XKR3: variants seen among roughly 807,000 people sequenced by gnomAD.
The protein encoded by XKR3 is XK-related protein 3.
XKR3 carries 27 observed loss-of-function variants against 40.3 expected under a neutral mutation model. The ratio of observed to expected loss-of-function variants is 0.67; its 90% CI spans 0.49 to 0.92. The LOEUF is 0.92. XKR3 is among the 40% of genes least tolerant of loss of function. The pLI, the probability that XKR3 is intolerant of heterozygous loss-of-function variation, is 0.00. For missense variants in XKR3, 472 were observed against 537.6 expected, an observed-to-expected ratio of 0.88 and a Z score of 1.21; for synonymous variants, 193 against 195.4, an observed-to-expected ratio of 0.99 and a Z score of 0.10.
At chr22:16,791,740 GGA>G (rs148780863) in intron 3 of XKR3, among the ~76,000 whole-genome samples, 1 of 128,830 alleles carries the variant, frequency 7.8e-6, no homozygotes, top group East Asian at 2.4e-4. Context: ...GGAGAAAGAG[GGA>G]GAGAGAGGGA....
Position 16,785,429 on chromosome 22 carries a change from G to A in XKR3, c.590-1020C>T, listed in dbSNP as rs1368187440. 1.3e-3 allele frequency among the ~76,000 whole-genome samples: 194 copies of A among 152,228 alleles called. 1 individual carries two copies. Among genetic ancestry groups the A allele is most frequent in the African/African-American group, 4.6e-3 (190 of 41,522 alleles). On this transcript the variant is annotated intron_variant, in intron 3 of 3. Coordinates refer to ENST00000684488, the MANE Select transcript of XKR3 (RefSeq NM_001386955.1). The stretch of plus-strand genomic sequence containing the variant: ...GCAAAATTATTTTAATTTCAACATT[G>A]TTCTCTCAACAATTAGACAAATAAG...
chr22:16,816,237 G>T (rs751728038), intron 1 of XKR3, among the ~76,000 whole-genome samples: 2 of 151,480 alleles, frequency 1.3e-5, no homozygotes, highest in African/African-American at 4.8e-5. Flanking sequence ...TGCCTTTGCC[G>T]CCTCTCTTTC....
intron 1 of XKR3, among the ~76,000 whole-genome samples, chr22:16,815,301 C>T (rs1569043600): frequency 6.6e-6 from 1 of 152,040 alleles, no homozygotes; most frequent in African/African-American, 2.4e-5. Context: ...ATAAATCCTA[C>T]TTGGTTATGA....
intron 2 of XKR3, among the ~76,000 whole-genome samples, chr22:16,803,637 A>C (rs1424237783): frequency 6.6e-6 from 1 of 152,238 alleles, no homozygotes; most frequent in Non-Finnish European, 1.5e-5. Context: ...CAAAGGAGCC[A>C]GTCAAAATGC....
At chr22:16,788,719 T>A (rs2060101877) in intron 3 of XKR3, among the ~76,000 whole-genome samples, 1 of 152,078 alleles carries the variant, frequency 6.6e-6, no homozygotes. Context: ...TATACCTGAT[T>A]AACATAATGT....
intron 2 of XKR3, among the ~76,000 whole-genome samples, chr22:16,806,469 G>GTTTTTT (rs35013347): frequency 7.7e-6 from 1 of 129,374 alleles, no homozygotes; most frequent in African/African-American, 2.9e-5. Flanking sequence ...TATAGTTAAG[G>GTTTTTT]TTTTTTTTTT....
At chr22:16,812,503 C>T (rs5746903) in intron 1 of XKR3, among the ~76,000 whole-genome samples, 16,047 of 151,972 alleles carry the variant, frequency 0.11, 1,171 homozygotes, top group African/African-American at 0.2. Context: ...GGTGAAACCC[C>T]GTCTGTACTA....
chr22:16,797,541 C>G (rs1184121546), intron 3 of XKR3, among the ~76,000 whole-genome samples: 2 of 152,148 alleles, frequency 1.3e-5, no homozygotes, highest in East Asian at 1.9e-4. Flanking sequence ...GCCTGTAATC[C>G]CAGCACTTTG....
chr22:16,817,563 A>G (rs1406760667), intron 1 of XKR3, among the ~76,000 whole-genome samples: 1 of 152,042 alleles, frequency 6.6e-6, no homozygotes, highest in African/African-American at 2.4e-5. Flanking sequence ...TCTAAACAAC[A>G]CTTTCTTTAA....
Position 16,804,087 on chromosome 22 carries a change from A to T in XKR3, c.335+3652T>A, listed in dbSNP as rs146597098. On this transcript the variant is annotated intron_variant, in intron 2 of 3. Transcript: ENST00000684488. The stretch of plus-strand genomic sequence containing the variant: ...ATCACAGGATCATCTCAACAGGCAG[A>T]AAAAATCATTTTGCAAAATCCAACA... Among the ~76,000 whole-genome samples, 865 of 152,274 alleles carry T rather than the reference A, an allele frequency of 5.7e-3. 8 individuals are homozygous for T. The highest frequency in any genetic ancestry group is 0.019 in the African/African-American group (773 of 41,558).
At chr22:16,822,211 G>A (rs1021565312) in intron 1 of XKR3, among the ~76,000 whole-genome samples, 1 of 152,000 alleles carries the variant, frequency 6.6e-6, no homozygotes, top group Non-Finnish European at 1.5e-5. Context: ...TAGCACAGAG[G>A]CTGAGAGGGG....
At chr22:16,787,624 TAAC>T (rs1309091905) in intron 3 of XKR3, among the ~76,000 whole-genome samples, 4 of 147,930 alleles carry the variant, frequency 2.7e-5, no homozygotes, top group Non-Finnish European at 6.0e-5. Context: ...TTTAGAGAAA[TAAC>T]AACAAAAAAT....
chr22:16,809,258 T>G (rs1002128674), intron 1 of XKR3, among the ~76,000 whole-genome samples: 1 of 152,222 alleles, frequency 6.6e-6, no homozygotes, highest in African/African-American at 2.4e-5. Context: ...ACTTATTTAT[T>G]CAAAGACAAA....
At chr22:16,798,666 C>A (rs145546408) in intron 3 of XKR3, among the ~76,000 whole-genome samples, 53 of 152,282 alleles carry the variant, frequency 3.5e-4, no homozygotes, top group African/African-American at 1.2e-3. Flanking sequence ...ATGTGGAATA[C>A]TGTGCTGTCA....
At chr22:16,801,015 C>CA (rs931750833) in intron 2 of XKR3, among the ~76,000 whole-genome samples, 21 of 151,664 alleles carry the variant, frequency 1.4e-4, no homozygotes, top group South Asian at 6.2e-4. Context: ...AACAAAATTA[C>CA]AAAAAAATGT....
chr22:16,804,257 A>T (rs531379349), intron 2 of XKR3, among the ~76,000 whole-genome samples: 5 of 152,282 alleles, frequency 3.3e-5, no homozygotes, highest in African/African-American at 1.2e-4. Context: ...ATCCCTATAT[A>T]AGGGGTCTGG....
intron 2 of XKR3, among the ~76,000 whole-genome samples, chr22:16,802,153 G>A (rs939433571): frequency 6.6e-6 from 1 of 152,058 alleles, no homozygotes; most frequent in Admixed American, 6.6e-5. Flanking sequence ...TAGCAATTAT[G>A]AAATGTATGA....
At chr22:16,793,628 C>A (rs1303304176) in intron 3 of XKR3, among the ~76,000 whole-genome samples, 4 of 152,026 alleles carry the variant, frequency 2.6e-5, no homozygotes, top group Admixed American at 1.3e-4. Flanking sequence ...TAAATGGGAG[C>A]AAAGACCACC....
intron 2 of XKR3, among the ~76,000 whole-genome samples, chr22:16,800,964 T>C (rs1312992634): frequency 2.0e-5 from 3 of 152,108 alleles, no homozygotes; most frequent in African/African-American, 4.8e-5. Flanking sequence ...GTAAATTAAA[T>C]AGTTGAAAGC....
Sources: allele counts gnomAD v4.1 joint callset (sites outside exome capture counted in the v4.1 genomes callset), GRCh38; gene constraint gnomAD v4.1.1; transcripts MANE v1.5; gene names NCBI Gene and HGNC (gene_info 2026-07-23, HGNC 2026-07-21).